DARS1: variants seen among roughly 807,000 people sequenced by gnomAD.
DARS1 encodes aspartyl-tRNA synthetase 1, also known as aspartate--tRNA ligase, cytoplasmic.
A neutral mutation model predicts 68.8 loss-of-function variants in DARS1; 51 were observed. The ratio of observed to expected loss-of-function variants is 0.74; its 90% confidence interval spans 0.59 to 0.94. The LOEUF (loss-of-function observed/expected upper bound fraction) is 0.94. Ranked by LOEUF, DARS1 falls within the 40% of genes least tolerant of loss-of-function variation. The pLI, the probability that DARS1 is intolerant of heterozygous loss-of-function variation, is 0.00. For synonymous variants in DARS1, 203 were observed against 190.4 expected (o/e 1.07, Z -0.55); for missense variants, 607 against 597.3 (o/e 1.02, Z -0.17).
At chr2:135,954,588 A>G (rs1001950944) in intron 4 of DARS1, among the ~76,000 whole-genome samples, 2 of 152,212 alleles carry the variant, frequency 1.3e-5, no homozygotes, top group Non-Finnish European at 2.9e-5. Context: ...TACAGGGACT[A>G]ACAGAGAAGA....
At chr2:135,978,158 A>G (rs1480189156) in intron 3 of DARS1, among the ~76,000 whole-genome samples, 3 of 150,236 alleles carry the variant, frequency 2.0e-5, no homozygotes, top group Non-Finnish European at 4.4e-5. Context: ...AAAAAAAAAA[A>G]AAAAAAAGAA....
Position 135,933,936 on chromosome 2 carries a change from C to T in DARS1, c.478G>A (p.Val160Ile). The T allele has an allele frequency of 6.2e-7, 1 of 1,613,628 alleles. No homozygotes were observed. The highest frequency in any genetic ancestry group is 8.5e-7 in the Non-Finnish European group (1 of 1,179,634). Residue 160 changes from valine (V) to isoleucine (I), a missense_variant, in exon 6 of 16, where the codon GTT (valine) becomes ATT (isoleucine). By Grantham distance (29) the Val-to-Ile change is conservative (BLOSUM62 3). Transcript: ENST00000264161. ...TCTTCTCCTTCTGCCTCAGGCCGAA[C>T]AGCATCATCCAGCTGCAGGGGCAGA... The part of the protein sequence containing the change: ...PRLPLQLDDA[V>I]RPEAEGEEEG...
At chr2:135,937,745 T>G (rs1681501758) in intron 5 of DARS1, among the ~76,000 whole-genome samples, 1 of 152,220 alleles carries the variant, frequency 6.6e-6, no homozygotes, top group Non-Finnish European at 1.5e-5. Flanking sequence ...CTCCTTCACT[T>G]ATGAAGCTTA....
chr2:135,961,275 A>T, intron 4 of DARS1, 121 bp downstream of exon 4: 1 of 647,004 alleles, frequency 1.5e-6, no homozygotes, highest in Non-Finnish European at 2.8e-6. Flanking sequence ...TGACAATTTA[A>T]ATAACTACAT....
At chr2:135,956,080 A>G (rs1181198806) in intron 4 of DARS1, among the ~76,000 whole-genome samples, 1 of 152,252 alleles carries the variant, frequency 6.6e-6, no homozygotes, top group Non-Finnish European at 1.5e-5. Flanking sequence ...AGTAGAAATA[A>G]GTGTTTGAAT....
At chr2:135,956,056 A>G (rs1278698925) in intron 4 of DARS1, among the ~76,000 whole-genome samples, 1 of 152,154 alleles carries the variant, frequency 6.6e-6, no homozygotes, top group Non-Finnish European at 1.5e-5. Context: ...TCAGACTTTT[A>G]TATTTCTCAC....
rs369287618 is a variant in DARS1 at position 135,909,922 on chromosome 2, G to C, written c.1414+1217C>G. Among the ~76,000 whole-genome samples, 14 of 152,260 alleles carry C rather than the reference G, an allele frequency of 9.2e-5. No individual in the cohort carries two copies. The South Asian group carries it at 1.9e-3, about 20-fold the overall frequency. ...AAAAAATGCTCATTGGAGCACTTCAGATTTCTAGATTTGGCATGTTCAACC... is the reference window on the plus strand; with the variant it reads ...AAAAAATGCTCATTGGAGCACTTCACATTTCTAGATTTGGCATGTTCAACC... On this transcript the variant is annotated intron_variant, in intron 15 of 15. Coordinates refer to ENST00000264161, the MANE Select transcript of DARS1 (RefSeq NM_001349.4).
At chr2:135,929,499 T>C (rs1414035268) in intron 7 of DARS1, among the ~76,000 whole-genome samples, 1 of 152,202 alleles carries the variant, frequency 6.6e-6, no homozygotes, top group Non-Finnish European at 1.5e-5. Context: ...GCTGGTTATA[T>C]TGTATAGCTA....
chr2:135,935,947 C>T lies in DARS1; in HGVS notation c.424-1957G>A, dbSNP rs536688911. ...TATAAAATAGAACTATTTGTCACCA[C>T]TCCCTAAACCCAAATTCTAGGATTC... is the stretch of plus-strand genomic sequence containing the variant. On this transcript the variant is annotated intron_variant, in intron 5 of 15. Coordinates refer to ENST00000264161, the MANE Select transcript of DARS1 (RefSeq NM_001349.4). Among the ~76,000 whole-genome samples, 119 of 152,324 alleles carry T rather than the reference C, an allele frequency of 7.8e-4. No individual in the cohort carries two copies. In the South Asian group the frequency reaches 0.014, roughly 18 times the overall value.
chr2:135,931,664 A>G (rs1681350707), intron 7 of DARS1, among the ~76,000 whole-genome samples: 1 of 152,194 alleles, frequency 6.6e-6, no homozygotes, highest in Admixed American at 6.5e-5. Flanking sequence ...GCCAAATAAC[A>G]TGAATGAATG....
In DARS1 at chr2:135,906,202, T is replaced by C. The variant is rs1042903757; in HGVS notation, c.*1114A>G. On this transcript the variant is annotated 3_prime_UTR_variant, in exon 16 of 16. Transcript: ENST00000264161. ...TGGTCCAGGGGTAACTTCCTAACTT[T>C]TTGACCCTCATATTTTTCTGCATGT... Among the ~76,000 whole-genome samples the C allele has an allele frequency of 2.0e-5, 3 of 152,204 alleles. No homozygotes were observed. Among genetic ancestry groups the C allele is most frequent in the African/African-American group, 7.2e-5 (3 of 41,452 alleles).
chr2:135,969,174 G>A (rs1682307913), intron 3 of DARS1, among the ~76,000 whole-genome samples: 2 of 152,002 alleles, frequency 1.3e-5, no homozygotes, highest in South Asian at 4.2e-4. Flanking sequence ...ATACTACCTC[G>A]TGTAGATCTG....
intron 4 of DARS1, among the ~76,000 whole-genome samples, chr2:135,952,120 A>T (rs997941521): frequency 6.6e-6 from 1 of 152,016 alleles, no homozygotes; most frequent in Non-Finnish European, 1.5e-5. Flanking sequence ...GGGCGCCTGT[A>T]ATTTACCCAG....
At chr2:135,920,180 AAAC>A (rs201903325) in intron 10 of DARS1, among the ~76,000 whole-genome samples, 2 of 152,208 alleles carry the variant, frequency 1.3e-5, no homozygotes, top group African/African-American at 2.4e-5. Flanking sequence ...AAGGAAACAA[AAAC>A]AACAACAAAA....
chr2:135,980,457 T>C (rs1005122249), intron 2 of DARS1: 1 of 152,240 alleles, frequency 6.6e-6, no homozygotes, highest in South Asian at 2.1e-4. Context: ...TATTTATAAT[T>C]TGCCTATTGA....
At chr2:135,945,300 G>A (rs942049652) in intron 4 of DARS1, among the ~76,000 whole-genome samples, 3 of 151,910 alleles carry the variant, frequency 2.0e-5, no homozygotes, top group Admixed American at 2.0e-4. Flanking sequence ...GCTAATTTTT[G>A]TATGTTTAGC....
At chr2:135,909,254 T>C (rs140594091) in intron 15 of DARS1, among the ~76,000 whole-genome samples, 3,474 of 152,182 alleles carry the variant, frequency 0.023, 113 homozygotes, top group African/African-American at 0.079. Flanking sequence ...GTAACAAACC[T>C]GCACATCCTG....
intron 7 of DARS1, among the ~76,000 whole-genome samples, chr2:135,926,031 T>C (rs913186278): frequency 1.3e-5 from 2 of 152,134 alleles, no homozygotes; most frequent in African/African-American, 4.8e-5. Context: ...GCTAGGATTA[T>C]AGGTGCCCGT....
intron 12 of DARS1, among the ~76,000 whole-genome samples, chr2:135,913,447 A>C (rs1680939025): frequency 6.6e-6 from 1 of 152,082 alleles, no homozygotes; most frequent in South Asian, 2.1e-4. Context: ...ACCTAGATTT[A>C]ATTAAAAATA....
Sources: gnomAD v4.1 joint callset for allele counts (sites outside exome capture counted in the v4.1 genomes callset) on GRCh38, gnomAD v4.1.1 for gene constraint, MANE v1.5 for transcripts, NCBI Gene and HGNC (gene_info 2026-07-23, HGNC 2026-07-21) for gene names.